Variants in CRISPLD2 observed in about 807,000 individuals in gnomAD.
CRISPLD2 encodes the protein cysteine rich secretory protein LCCL domain containing 2.
CRISPLD2 carries 47 observed loss-of-function variants against 71.1 expected under a neutral mutation model. The ratio of observed to expected loss-of-function variants is 0.66; its 90% confidence interval spans 0.52 to 0.84. The LOEUF is 0.84. CRISPLD2 is among the 40% of genes least tolerant of loss of function. The probability of loss-of-function intolerance (pLI) is 0.00; values close to 1 mark genes in which losing one functional copy is unlikely to be tolerated. For synonymous variants in CRISPLD2, 317 were observed against 250.1 expected (o/e 1.27, Z -2.52); for missense variants, 830 against 651.1 (o/e 1.27, Z -2.99).
At position 84,890,001 on chromosome 16, in the gene CRISPLD2, C is replaced by T. The variant is rs938956919; in HGVS notation, c.1439+638C>T. Among the ~76,000 whole-genome samples the T allele has an allele frequency of 1.3e-4, 20 of 152,122 alleles. No homozygotes were observed. The East Asian group carries it at 3.1e-3, about 23-fold the overall frequency. ...TTCTCATCTGTGAAATAGGGATAAT[C>T]ATAAACCCTGCCCCACAGGGCTGTT... On this transcript the variant is annotated intron_variant, in intron 14 of 14. Transcript: ENST00000262424.
chr16:84,857,092 A>T (rs1260458773), intron 6 of CRISPLD2, among the ~76,000 whole-genome samples: 2 of 152,204 alleles, frequency 1.3e-5, no homozygotes, highest in Non-Finnish European at 2.9e-5. Flanking sequence ...ATGGTGCCAT[A>T]TCGAGGGCTC....
Position 84,872,976 on chromosome 16 carries a change from CT to C in CRISPLD2, c.982-14del, listed in dbSNP as rs1313063785. The C allele has an allele frequency of 6.2e-7, 1 of 1,600,514 alleles. No individual in the cohort carries two copies. Among genetic ancestry groups the C allele is most frequent in the Non-Finnish European group, 8.5e-7 (1 of 1,174,136 alleles). ...GTTGAGAATGTGCCTCTGGTCTTCTCTTCCCTTCCCGCCAGTCGTCTAGCAT... is the reference window on the plus strand; with the variant it reads ...GTTGAGAATGTGCCTCTGGTCTTCTCTCCCTTCCCGCCAGTCGTCTAGCAT... On this transcript the variant is annotated splice_polypyrimidine_tract_variant and intron_variant, in intron 9 of 14. Transcript: ENST00000262424.
At chr16:84,884,711 G>A (rs1270392115) in intron 13 of CRISPLD2, among the ~76,000 whole-genome samples, 1 of 152,196 alleles carries the variant, frequency 6.6e-6, no homozygotes, top group South Asian at 2.1e-4. Flanking sequence ...TGTGGAGTGA[G>A]AAAGATCCGG....
chr16:84,884,434 G>A (rs779399933), intron 13 of CRISPLD2, among the ~76,000 whole-genome samples: 1 of 152,200 alleles, frequency 6.6e-6, no homozygotes, highest in Non-Finnish European at 1.5e-5. Context: ...GCTTTATATG[G>A]AGAAAGGCGG....
chr16:84,830,965 C>T (rs1019830274), intron 1 of CRISPLD2, among the ~76,000 whole-genome samples: 17 of 152,262 alleles, frequency 1.1e-4, no homozygotes, highest in East Asian at 3.9e-4. Context: ...TGGCAAACAC[C>T]GCAAGGCAGG....
chr16:84,825,885 A>T (rs558168867), intron 1 of CRISPLD2, among the ~76,000 whole-genome samples: 28 of 152,154 alleles, frequency 1.8e-4, no homozygotes, highest in Admixed American at 1.8e-3. Flanking sequence ...TGAGCCCAGG[A>T]GGCTGAGGCT....
chr16:84,872,266 G>T (rs1597470481), intron 8 of CRISPLD2, among the ~76,000 whole-genome samples, 176 bp from the exon 9 acceptor site: 2 of 152,176 alleles, frequency 1.3e-5, no homozygotes, highest in East Asian at 3.8e-4. Context: ...TATTGTGCTT[G>T]CGTGAATCAG....
At chr16:84,891,569 G>A (rs2071663064) in intron 14 of CRISPLD2, among the ~76,000 whole-genome samples, 2 of 152,198 alleles carry the variant, frequency 1.3e-5, no homozygotes, top group Admixed American at 1.3e-4. Flanking sequence ...GGAATTTCCT[G>A]GCCGGGCTGG....
rs1916195728 is a variant in CRISPLD2 at position 84,820,041 on chromosome 16, CGCTGTGCCT to C, written c.-158_-150del. ...TATTGAGCTGTCTGCTCGCTGTGCC[CGCTGTGCCT>C]GCTGTGCCCGCGCTGTCGCCGCTGC... On this transcript the variant is annotated 5_prime_UTR_variant, in exon 1 of 15. Coordinates refer to ENST00000262424, the MANE Select transcript of CRISPLD2 (RefSeq NM_031476.4). The C allele has an allele frequency of 6.6e-6, 1 of 152,572 alleles. No individual in the cohort carries two copies. The highest frequency in any genetic ancestry group is 6.5e-5 in the Admixed American group (1 of 15,312). The allele number at this position is 152,572 out of a possible 1,614,324, so 9.5% of individuals were successfully genotyped here.
chr16:84,840,115 C>A (rs1421466188), intron 2 of CRISPLD2: 1 of 152,286 alleles, frequency 6.6e-6, no homozygotes, highest in Non-Finnish European at 1.5e-5. Context: ...ACCCATGGCC[C>A]CCTGCTGTGA....
At position 84,873,011 on chromosome 16, in the gene CRISPLD2, C is replaced by T. The variant is rs1597471085; in HGVS notation, c.1001C>T (p.Ala334Val). ...CGCCAGTCGTCTAGCATATGCCGCG[C>T]CGCCATCCACTACGGGATCCTGGAT... The part of the protein sequence containing the change: ...FYESSSSICR[A>V]AIHYGILDDK... The change falls in exon 10 of 15, where the codon GCC (alanine) becomes GTC (valine). Residue 334 changes from alanine to valine, a missense_variant. Ala to Val is a moderately conservative substitution (Grantham distance 64). Transcript: ENST00000262424. The T allele has an allele frequency of 6.2e-7, 1 of 1,613,410 alleles. No homozygotes were observed. Among genetic ancestry groups the T allele is most frequent in the Non-Finnish European group, 8.5e-7 (1 of 1,179,726 alleles).
At chr16:84,904,205 C>A (rs995556867) in intron 14 of CRISPLD2, among the ~76,000 whole-genome samples, 2 of 152,166 alleles carry the variant, frequency 1.3e-5, no homozygotes, top group Non-Finnish European at 2.9e-5. Context: ...GGAGGGGGCA[C>A]TTAGGCTTCC....
rs1358490884 is a variant in CRISPLD2 at position 84,866,877 on chromosome 16, C to T, written c.710-20C>T. On this transcript the variant is annotated intron_variant, in intron 6 of 14. Transcript: ENST00000262424. The stretch of plus-strand genomic sequence containing the variant: ...TGAATCCCAGTGTGTTATTTTTTTT[C>T]CTCCCTCTCCAATGTTAAGAAGAAA... 3.8e-6 allele frequency: 6 copies of T among 1,592,230 alleles called. No homozygotes were observed. The highest frequency in any genetic ancestry group is 3.6e-5 in the Admixed American group (2 of 55,628).
chr16:84,829,904 G>T (rs1226511686), intron 1 of CRISPLD2, among the ~76,000 whole-genome samples: 1 of 152,240 alleles, frequency 6.6e-6, no homozygotes, highest in Non-Finnish European at 1.5e-5. Flanking sequence ...CTCATCCCAC[G>T]TTGGCGTGGG....
Position 84,838,645 on chromosome 16 carries a change from C to T in CRISPLD2, c.150C>T (p.Ala50=). The T allele has an allele frequency of 1.2e-6, 2 of 1,614,240 alleles. No individual in the cohort carries two copies. Among genetic ancestry groups the T allele is most frequent in the South Asian group, 1.1e-5 (1 of 91,090 alleles). ...HNESHSRVRR[A]IPREDKEEIL... ...AGTCTCACTCCCGGGTCCGCAGAGC[C>T]ATCCCCAGGGAGGACAAGGAGGAGA... The change falls in exon 2 of 15, where the codon GCC becomes GCT. Residue 50 remains alanine (A), a synonymous_variant. Coordinates refer to ENST00000262424, the MANE Select transcript of CRISPLD2 (RefSeq NM_031476.4).
chr16:84,898,845 G>C (rs1597486720), intron 14 of CRISPLD2, among the ~76,000 whole-genome samples: 1 of 152,076 alleles, frequency 6.6e-6, no homozygotes, highest in African/African-American at 2.4e-5. Context: ...TATAGTCCCA[G>C]TTGCACCACT....
chr16:84,838,297 G>GAACAA (rs1319620220), intron 1 of CRISPLD2, 125 bp from the exon 2 acceptor site: 35 of 637,946 alleles, frequency 5.5e-5, no homozygotes, highest in Admixed American at 8.6e-5. Context: ...TTTAGCTTCT[G>GAACAA]TGGGCCTCAG....
At chr16:84,888,321 C>T (rs987914250) in intron 13 of CRISPLD2, among the ~76,000 whole-genome samples, 3 of 152,190 alleles carry the variant, frequency 2.0e-5, no homozygotes, top group South Asian at 2.1e-4. Flanking sequence ...ATTGCTTGAG[C>T]CCAGGAGTTC....
chr16:84,905,816 T>G (rs2071797113), intron 14 of CRISPLD2, among the ~76,000 whole-genome samples: 1 of 151,784 alleles, frequency 6.6e-6, no homozygotes, highest in African/African-American at 2.4e-5. Flanking sequence ...TTCAAGTGAT[T>G]CTTCTGCCTC....
Sources: allele counts gnomAD v4.1 joint callset (sites outside exome capture counted in the v4.1 genomes callset), GRCh38; gene constraint gnomAD v4.1.1; transcripts MANE v1.5; gene names NCBI Gene and HGNC (gene_info 2026-07-23, HGNC 2026-07-21).